The following FAM20B variants were observed in gnomAD, a reference collection of about 807,000 sequenced individuals.
FAM20B encodes FAM20B glycosaminoglycan xylosylkinase.
In FAM20B, 23 loss-of-function variants were observed where a neutral mutation model predicts 43.8. The ratio of observed to expected loss-of-function variants is 0.53; its 90% CI spans 0.38 to 0.74. The LOEUF (loss-of-function observed/expected upper bound fraction) is 0.74, where lower values mean the gene tolerates loss of function less well. Ranked by LOEUF, FAM20B falls within the 30% of genes least tolerant of loss-of-function variation. The pLI is 0.00. For synonymous variants in FAM20B, 178 were observed against 192.4 expected (o/e 0.93, Z 0.62); for missense variants, 440 against 510.5 (o/e 0.86, Z 1.33).
At chr1:179,034,219 T>G (rs1320285032) in intron 1 of FAM20B, among the ~76,000 whole-genome samples, 1 of 152,202 alleles carries the variant, frequency 6.6e-6, no homozygotes, top group Non-Finnish European at 1.5e-5. Context: ...AGTCTTAGCT[T>G]GAGCTTCTTT....
chr1:179,040,520 G>A (rs1420595238), intron 1 of FAM20B, among the ~76,000 whole-genome samples: 1 of 142,198 alleles, frequency 7.0e-6, no homozygotes, highest in Admixed American at 6.9e-5. Context: ...CGGACGGGGC[G>A]GCTGGCCGGG....
intron 3 of FAM20B, among the ~76,000 whole-genome samples, chr1:179,050,975 A>C (rs1650981743): frequency 6.6e-6 from 1 of 151,820 alleles, no homozygotes. Context: ...ACAAAAAATT[A>C]GCTGGGCGTG....
chr1:179,020,953 C>T (rs1160357530), upstream of FAM20B, among the ~76,000 whole-genome samples: 1 of 152,210 alleles, frequency 6.6e-6, no homozygotes, highest in African/African-American at 2.4e-5. Context: ...CGCCTGTAGT[C>T]ACAGCTACTC....
chr1:179,068,454 G>T (rs1349600707), intron 7 of FAM20B, among the ~76,000 whole-genome samples: 1 of 150,724 alleles, frequency 6.6e-6, no homozygotes, highest in Non-Finnish European at 1.5e-5. Flanking sequence ...TTTTTTTTTG[G>T]AGATGGAGTC....
chr1:179,019,741 T>G, the FAM20B span, among the ~76,000 whole-genome samples: 1 of 152,138 alleles, frequency 6.6e-6, no homozygotes, highest in African/African-American at 2.4e-5. Context: ...AGATTACAGG[T>G]GTGGGCCACT....
chr1:179,061,330 TTAGTATGA>T (rs1651457153), intron 4 of FAM20B, among the ~76,000 whole-genome samples: 1 of 151,980 alleles, frequency 6.6e-6, no homozygotes, highest in Admixed American at 6.6e-5. Context: ...AGGAGTTCAC[TTAGTATGA>T]TAGTTGCCAA....
intron 3 of FAM20B, among the ~76,000 whole-genome samples, chr1:179,053,396 G>A (rs1173107946): frequency 1.3e-5 from 2 of 152,046 alleles, no homozygotes; most frequent in Non-Finnish European, 2.9e-5. Flanking sequence ...TGATCATGCC[G>A]CTGCACTCTG....
chr1:179,023,932 G>A (rs949687116), upstream of FAM20B, among the ~76,000 whole-genome samples: 18 of 152,160 alleles, frequency 1.2e-4, no homozygotes, highest in African/African-American at 4.3e-4. Flanking sequence ...TTGATTGGTT[G>A]GAAAATAATC....
At chr1:179,067,951 A>G (rs1026947914) in intron 7 of FAM20B, among the ~76,000 whole-genome samples, 1 of 151,988 alleles carries the variant, frequency 6.6e-6, no homozygotes, top group Non-Finnish European at 1.5e-5. Flanking sequence ...TGCAGTAGAG[A>G]CGGGTTTCAC....
intron 4 of FAM20B, among the ~76,000 whole-genome samples, chr1:179,062,686 C>T (rs1324587884): frequency 1.3e-5 from 2 of 151,940 alleles, no homozygotes; most frequent in African/African-American, 4.8e-5. Flanking sequence ...AAAAAAAACA[C>T]CCATCAATTC....
chr1:179,036,642 AGGAAGATTATAT>A (rs1650239972), intron 1 of FAM20B, among the ~76,000 whole-genome samples: 1 of 152,206 alleles, frequency 6.6e-6, no homozygotes, highest in Non-Finnish European at 1.5e-5. Context: ...CAAATAAAAA[AGGAAGATTATAT>A]GGCATGGAAA....
At chr1:179,041,158 C>T (rs1489300455) in intron 1 of FAM20B, among the ~76,000 whole-genome samples, 3 of 151,564 alleles carry the variant, frequency 2.0e-5, no homozygotes, top group Middle Eastern at 3.4e-3. Context: ...CAGAGACGCT[C>T]CTCACTTTCC....
chr1:179,033,899 G>A (rs947978985), intron 1 of FAM20B, among the ~76,000 whole-genome samples: 4 of 152,076 alleles, frequency 2.6e-5, no homozygotes, highest in African/African-American at 7.2e-5. Flanking sequence ...CACCATGTTG[G>A]CCAGGCTGGT....
upstream of FAM20B, among the ~76,000 whole-genome samples, chr1:179,022,474 G>GCA (rs1649620313): frequency 6.6e-6 from 1 of 152,134 alleles, no homozygotes; most frequent in Admixed American, 6.5e-5. Flanking sequence ...GCGCGCGCGT[G>GCA]TATGCATATA....
chr1:179,068,946 G>A (rs755921039), intron 7 of FAM20B, among the ~76,000 whole-genome samples: 1 of 152,190 alleles, frequency 6.6e-6, no homozygotes, highest in Non-Finnish European at 1.5e-5. Flanking sequence ...CCAGAGTGCA[G>A]GTGGGGTGTA....
chr1:179,058,211 C>A (rs1042181777), intron 4 of FAM20B, among the ~76,000 whole-genome samples: 5 of 152,134 alleles, frequency 3.3e-5, no homozygotes, highest in African/African-American at 1.2e-4. Flanking sequence ...ACTGTGATTT[C>A]AAACTATGAT....
At chr1:179,040,686 G>T (rs1216531327) in intron 1 of FAM20B, among the ~76,000 whole-genome samples, 2 of 124,330 alleles carry the variant, frequency 1.6e-5, no homozygotes, top group Non-Finnish European at 3.6e-5. Flanking sequence ...CCTCCCGGAC[G>T]GGGCGGCTGG....
chr1:179,028,310 G>T (rs574037420), intron 1 of FAM20B, among the ~76,000 whole-genome samples: 1 of 152,206 alleles, frequency 6.6e-6, no homozygotes, highest in East Asian at 1.9e-4. Context: ...TTGGTCGGGC[G>T]CGGTGGCTTA....
intron 1 of FAM20B, among the ~76,000 whole-genome samples, chr1:179,040,599 C>T (rs1449547951): frequency 1.6e-5 from 2 of 124,334 alleles, no homozygotes; most frequent in Admixed American, 7.5e-5. Flanking sequence ...TCCTCACTTC[C>T]CAGTAGGGGC....
Sources: allele counts gnomAD v4.1 joint callset (sites outside exome capture counted in the v4.1 genomes callset), GRCh38; gene constraint gnomAD v4.1.1; transcripts MANE v1.5; gene names NCBI Gene and HGNC (gene_info 2026-07-23, HGNC 2026-07-21).